The following MINDY3 variants were observed in gnomAD, a reference collection of about 807,000 sequenced individuals.
MINDY3 encodes ubiquitin carboxyl-terminal hydrolase MINDY-3.
Under a neutral mutation model 69.2 loss-of-function variants are expected in MINDY3, and 38 were observed. The observed-to-expected ratio is 0.55, with a 90% CI of 0.42 to 0.72. MINDY3 has a LOEUF of 0.72. MINDY3 is among the 30% of genes least tolerant of loss of function. The pLI is 0.00. For missense variants in MINDY3, 522 were observed against 519.0 expected, an observed-to-expected ratio of 1.01 and a Z score of -0.06; for synonymous variants, 192 against 180.1, an observed-to-expected ratio of 1.07 and a Z score of -0.53.
At chr10:15,823,264 T>C (rs1024954594) in intron 8 of MINDY3, among the ~76,000 whole-genome samples, 2 of 152,306 alleles carry the variant, frequency 1.3e-5, no homozygotes, top group South Asian at 2.1e-4. Context: ...GGTTCTTCAA[T>C]TGTGGTTTAG....
At chr10:15,799,565 C>G (rs1838104466) in intron 10 of MINDY3, among the ~76,000 whole-genome samples, 1 of 152,112 alleles carries the variant, frequency 6.6e-6, no homozygotes, top group South Asian at 2.1e-4. Context: ...ATCACTTTTA[C>G]AGATTTTACA....
At chr10:15,792,261 T>C (rs539702640) in intron 11 of MINDY3, among the ~76,000 whole-genome samples, 1 of 152,036 alleles carries the variant, frequency 6.6e-6, no homozygotes, top group Non-Finnish European at 1.5e-5. Context: ...GGCTCCCCAG[T>C]GGGCAATGAG....
At chr10:15,859,248 G>C (rs983670435) in intron 1 of MINDY3, among the ~76,000 whole-genome samples, 1 of 152,124 alleles carries the variant, frequency 6.6e-6, no homozygotes, top group Non-Finnish European at 1.5e-5. Flanking sequence ...TGAAATAGGG[G>C]TTTATATTTA....
Position 15,809,809 on chromosome 10 carries a change from G to A in MINDY3, c.882+7026C>T, listed in dbSNP as rs544806614. Among the ~76,000 whole-genome samples the A allele has an allele frequency of 2.6e-5, 4 of 152,174 alleles. No individual in the cohort carries two copies. The South Asian group carries it at 6.2e-4, about 24-fold the overall frequency. ...ACAACCAGACTCCTTAGGATACTAT[G>A]TCAAGGAGTACAATAACAGTTTTGT... is the stretch of plus-strand genomic sequence containing the variant. On this transcript the variant is annotated intron_variant, in intron 10 of 14. Transcript: ENST00000277632.
At chr10:15,793,046 T>TGGTATCCAGAGGCACTAGA (rs2131867249) in intron 11 of MINDY3, among the ~76,000 whole-genome samples, 1 of 152,290 alleles carries the variant, frequency 6.6e-6, no homozygotes, top group East Asian at 1.9e-4. Context: ...GCCATTTTCC[T>TGGTATCCAGAGGCACTAGA]GGTATCCAGA....
chr10:15,834,721 T>G (rs1424946317), intron 6 of MINDY3, 105 bp from the exon 7 acceptor site: 2 of 677,736 alleles, frequency 3.0e-6, no homozygotes, highest in East Asian at 5.6e-5. Flanking sequence ...ATTATTTAAG[T>G]AACTTTTCTA....
At chr10:15,821,463 A>G (rs1839755693) in intron 9 of MINDY3, among the ~76,000 whole-genome samples, 193 bp downstream of exon 9, 1 of 152,184 alleles carries the variant, frequency 6.6e-6, no homozygotes, top group South Asian at 2.1e-4. Context: ...CTAGCATAGG[A>G]AACTCAGCAT....
intron 9 of MINDY3, among the ~76,000 whole-genome samples, chr10:15,818,735 G>A (rs919643744): frequency 5.9e-5 from 9 of 152,120 alleles, no homozygotes; most frequent in African/African-American, 1.7e-4. Flanking sequence ...AGCCAGAAAC[G>A]AAAGGCTATA....
intron 8 of MINDY3, among the ~76,000 whole-genome samples, chr10:15,827,225 AG>A (rs1278268865): frequency 6.6e-5 from 10 of 151,372 alleles, no homozygotes; most frequent in Non-Finnish European, 1.3e-4. Flanking sequence ...TCTAAAAAAA[AG>A]ACCAAATGAT....
intron 9 of MINDY3, among the ~76,000 whole-genome samples, chr10:15,820,791 C>T (rs1479151265): frequency 6.6e-6 from 1 of 152,150 alleles, no homozygotes; most frequent in Non-Finnish European, 1.5e-5. Context: ...TGAACCCCTG[C>T]TATGGAACCC....
intron 10 of MINDY3, among the ~76,000 whole-genome samples, chr10:15,813,929 ATGT>A (rs968218121): frequency 4.0e-5 from 6 of 151,220 alleles, no homozygotes; most frequent in Non-Finnish European, 7.4e-5. Context: ...AATTAAAACA[ATGT>A]TGTTTCAGGC....
At chr10:15,821,175 T>C (rs1468914886) in intron 9 of MINDY3, among the ~76,000 whole-genome samples, 2 of 152,198 alleles carry the variant, frequency 1.3e-5, no homozygotes, top group Admixed American at 1.3e-4. Context: ...AGTTTAATGT[T>C]GTAAAATGCT....
intron 13 of MINDY3, among the ~76,000 whole-genome samples, chr10:15,783,489 C>G (rs1032935570): frequency 6.6e-6 from 1 of 152,138 alleles, no homozygotes; most frequent in Non-Finnish European, 1.5e-5. Flanking sequence ...ATGCCCTCCT[C>G]TCCTTCCTTT....
chr10:15,779,040 T>C lies in MINDY3; in HGVS notation c.1290A>G (p.Pro430=), dbSNP rs1163531941. The C allele has an allele frequency of 1.5e-5, 25 of 1,613,654 alleles. No homozygotes were observed. The highest frequency in any genetic ancestry group is 1.9e-5 in the Non-Finnish European group (22 of 1,179,770). The change falls in exon 15 of 15, where the codon CCA becomes CCG. Residue 430 remains proline, a synonymous_variant. Coordinates refer to ENST00000277632, the MANE Select transcript of MINDY3 (RefSeq NM_024948.4). ...PIKRCLQTKW[P]YIELLWTTDR... ...CTGTGGTCCAGAGTAACTCAATGTA[T>C]GGCCATTTGGTTTGCAGACAGCGTT...
In MINDY3 at chr10:15,778,335, G is replaced by T. The variant is rs1836264187; in HGVS notation, c.*657C>A. 1 of 152,122 alleles carries T rather than the reference G, an allele frequency of 6.6e-6. No individual in the cohort carries two copies. The highest frequency in any genetic ancestry group is 1.5e-5 in the Non-Finnish European group (1 of 68,026). 9.4% of individuals were successfully genotyped at this position (152,122 alleles called of 1,614,324 possible). A position where few individuals can be genotyped will look rare whatever the true frequency, so the allele number is the denominator to read the frequency against. Reference sequence around the variant, plus strand: ...GGACAAATTTGGAAAAGTGTATTTGGCAATTACACAGTAAAAGTTAACAGT... The same window carrying T: ...GGACAAATTTGGAAAAGTGTATTTGTCAATTACACAGTAAAAGTTAACAGT... On this transcript the variant is annotated 3_prime_UTR_variant, in exon 15 of 15. Coordinates refer to ENST00000277632, the MANE Select transcript of MINDY3 (RefSeq NM_024948.4).
chr10:15,831,915 A>G (rs1211888510), intron 8 of MINDY3, among the ~76,000 whole-genome samples: 2 of 152,010 alleles, frequency 1.3e-5, no homozygotes, highest in African/African-American at 4.8e-5. Flanking sequence ...ACCTCAGGTG[A>G]TCCATCCACC....
At chr10:15,848,045 A>C in intron 1 of MINDY3, 102 bp from the exon 2 acceptor site, 1 of 891,816 alleles carries the variant, frequency 1.1e-6, no homozygotes, top group South Asian at 1.4e-5. Context: ...TTATCACAAC[A>C]GCAAAATATC....
Position 15,782,284 on chromosome 10 carries a change from A to C in MINDY3, c.1117-58T>G. The C allele has an allele frequency of 2.6e-6, 3 of 1,160,640 alleles. No homozygotes were observed. In the South Asian group the frequency reaches 4.1e-5, roughly 16 times the overall value. The allele number at this position is 1,160,640 out of a possible 1,614,324, so 71.9% of individuals were successfully genotyped here. ...ATTATATTTATATCAGGCAATTTCTAATCAACTGAAAGTAAAATGCATGTT... is the reference window on the plus strand; with the variant it reads ...ATTATATTTATATCAGGCAATTTCTCATCAACTGAAAGTAAAATGCATGTT... On this transcript the variant is annotated intron_variant, in intron 13 of 14. Transcript: ENST00000277632.
At chr10:15,833,197 A>T (rs1456951090) in intron 8 of MINDY3, among the ~76,000 whole-genome samples, 2 of 152,240 alleles carry the variant, frequency 1.3e-5, no homozygotes, top group Non-Finnish European at 2.9e-5. Flanking sequence ...AAGTCTCAGT[A>T]TTAAATTTGC....
Sources: gnomAD v4.1 joint callset for allele counts (sites outside exome capture counted in the v4.1 genomes callset) on GRCh38, gnomAD v4.1.1 for gene constraint, MANE v1.5 for transcripts, NCBI Gene and HGNC (gene_info 2026-07-23, HGNC 2026-07-21) for gene names.